Variants in BAALC observed in about 807,000 individuals in gnomAD.
The protein encoded by BAALC is brain and acute leukemia cytoplasmic protein.
A neutral mutation model predicts 15.5 loss-of-function variants in BAALC; 9 were observed. The observed-to-expected ratio is 0.58, with a 90% CI of 0.35 to 1.02. The LOEUF (loss-of-function observed/expected upper bound fraction) is 1.02. Among genes scored for constraint, BAALC ranks in the 50% least tolerant of loss-of-function variants. The pLI is 0.02. For synonymous variants in BAALC, 80 were observed against 74.6 expected, an observed-to-expected ratio of 1.07 and a Z score of -0.37; for missense variants, 201 against 192.4, an observed-to-expected ratio of 1.04 and a Z score of -0.27.
chr8:103,213,115 G>T, intron 2 of BAALC, 30 bp downstream of exon 2: 1 of 1,609,348 alleles, frequency 6.2e-7, no homozygotes, highest in Non-Finnish European at 8.5e-7. Flanking sequence ...ATCAACTGGG[G>T]ACTGGAGAAT....
intron 1 of BAALC, among the ~76,000 whole-genome samples, chr8:103,209,782 T>G (rs1005818782): frequency 2.0e-5 from 3 of 152,242 alleles, no homozygotes; most frequent in African/African-American, 7.2e-5. Context: ...TAAGTTCAAC[T>G]AGACAAGTCT....
chr8:103,188,560 T>C (rs1586414069), intron 1 of BAALC, among the ~76,000 whole-genome samples: 1 of 152,186 alleles, frequency 6.6e-6, no homozygotes, highest in East Asian at 1.9e-4. Context: ...TAAGAAAGGG[T>C]TGATAATTTT....
In BAALC at chr8:103,158,006, C is replaced by T. The variant is rs958938364; in HGVS notation, c.160+16949C>T. On this transcript the variant is annotated intron_variant, in intron 1 of 2. Transcript: ENST00000309982. ...AATGTAATAAAAATTCAGCCAGTGC[C>T]CAAATTTTCCCAATGGTCTCATAAA... Among the ~76,000 whole-genome samples, 6 of 152,008 alleles carry T rather than the reference C, an allele frequency of 3.9e-5. No homozygotes were observed. In the South Asian group the frequency reaches 6.2e-4, roughly 16 times the overall value.
chr8:103,141,633 C>A (rs1464397397), intron 1 of BAALC, among the ~76,000 whole-genome samples: 2 of 152,218 alleles, frequency 1.3e-5, no homozygotes, highest in African/African-American at 4.8e-5. Flanking sequence ...CAGTTTAGGT[C>A]AAAATAAATG....
intron 1 of BAALC, among the ~76,000 whole-genome samples, chr8:103,212,538 A>G (rs1229508603): frequency 6.6e-6 from 1 of 152,248 alleles, no homozygotes; most frequent in African/African-American, 2.4e-5. Context: ...GAAGTAATTT[A>G]AAATAAAACT....
At chr8:103,181,310 T>A (rs912789263) in intron 1 of BAALC, among the ~76,000 whole-genome samples, 7 of 152,268 alleles carry the variant, frequency 4.6e-5, no homozygotes, top group African/African-American at 1.7e-4. Flanking sequence ...TCTCGCTCTG[T>A]CGCCCAGGCT....
At chr8:103,156,925 A>G (rs1811105243) in intron 1 of BAALC, 1 of 152,274 alleles carries the variant, frequency 6.6e-6, no homozygotes, top group East Asian at 1.9e-4. Flanking sequence ...GAAGCTACTA[A>G]AATCGTTAAC....
intron 1 of BAALC, among the ~76,000 whole-genome samples, chr8:103,167,361 A>C (rs187083936): frequency 6.6e-6 from 1 of 152,154 alleles, no homozygotes; most frequent in Non-Finnish European, 1.5e-5. Flanking sequence ...CAGAGACTCA[A>C]TGTTCTTTGC....
intron 1 of BAALC, among the ~76,000 whole-genome samples, chr8:103,212,307 G>C (rs1812464992): frequency 6.6e-6 from 1 of 152,064 alleles, no homozygotes; most frequent in Non-Finnish European, 1.5e-5. Flanking sequence ...AATTAGCTGG[G>C]CATGGTGACA....
At position 103,228,306 on chromosome 8, in the gene BAALC, A is replaced by G; in HGVS notation, c.*207A>G. ...CTACTTATCATGTAAATGTATTGGC[A>G]CAGTGCTTACATATGTTAATAAACT... On this transcript the variant is annotated 3_prime_UTR_variant, in exon 3 of 3. Coordinates refer to ENST00000309982, the MANE Select transcript of BAALC (RefSeq NM_024812.3). The G allele has an allele frequency of 1.9e-6, 1 of 530,260 alleles. No individual in the cohort carries two copies. Among genetic ancestry groups the G allele is most frequent in the Non-Finnish European group, 3.3e-6 (1 of 298,606 alleles). The allele number at this position is 530,260 out of a possible 1,614,324, so 32.8% of individuals were successfully genotyped here.
intron 1 of BAALC, among the ~76,000 whole-genome samples, chr8:103,155,806 T>C (rs992468673): frequency 3.9e-5 from 6 of 152,196 alleles, no homozygotes; most frequent in African/African-American, 1.4e-4. Flanking sequence ...AGTGTCTCCA[T>C]GTTCTCTAGG....
intron 2 of BAALC, among the ~76,000 whole-genome samples, chr8:103,223,948 A>G (rs1212510692): frequency 6.6e-6 from 1 of 152,238 alleles, no homozygotes; most frequent in Non-Finnish European, 1.5e-5. Context: ...TCTGCATTCT[A>G]TTCCATGCCC....
At chr8:103,163,717 T>C (rs1027506039) in intron 1 of BAALC, among the ~76,000 whole-genome samples, 1 of 152,104 alleles carries the variant, frequency 6.6e-6, no homozygotes, top group Non-Finnish European at 1.5e-5. Context: ...ACCACTGCCC[T>C]TCCTGAATGT....
Position 103,230,184 on chromosome 8 carries a change from T to C in BAALC, c.*2085T>C, listed in dbSNP as rs964102044. The C allele has an allele frequency of 2.0e-5, 3 of 148,326 alleles. No homozygotes were observed. Among genetic ancestry groups the C allele is most frequent in the Non-Finnish European group, 4.5e-5 (3 of 67,098 alleles). The allele number at this position is 148,326 out of a possible 1,614,324, so 9.2% of individuals were successfully genotyped here. On this transcript the variant is annotated 3_prime_UTR_variant, in exon 3 of 3. Transcript: ENST00000309982. ...GCAACCAGAAGTTAAACCATGTGACTAAAAATGCATCTGGCTACTTTTTCA... is the reference window on the plus strand; with the variant it reads ...GCAACCAGAAGTTAAACCATGTGACCAAAAATGCATCTGGCTACTTTTTCA...
chr8:103,176,592 C>T (rs920624384), intron 1 of BAALC, among the ~76,000 whole-genome samples: 1 of 152,134 alleles, frequency 6.6e-6, no homozygotes, highest in Non-Finnish European at 1.5e-5. Context: ...TAACCCACCA[C>T]GCTATCTAAT....
intron 1 of BAALC, among the ~76,000 whole-genome samples, chr8:103,197,556 C>T (rs1169203305): frequency 6.6e-6 from 1 of 152,106 alleles, no homozygotes; most frequent in African/African-American, 2.4e-5. Context: ...TTGTATTAGG[C>T]CATTCTTGTG....
At chr8:103,221,479 G>A (rs1287006870) in intron 2 of BAALC, among the ~76,000 whole-genome samples, 1 of 150,856 alleles carries the variant, frequency 6.6e-6, no homozygotes, top group Non-Finnish European at 1.5e-5. Flanking sequence ...TTTTTTTTAA[G>A]CCAGTAATTG....
chr8:103,215,602 C>T (rs1217706069), intron 2 of BAALC, among the ~76,000 whole-genome samples: 2 of 152,094 alleles, frequency 1.3e-5, no homozygotes, highest in Non-Finnish European at 2.9e-5. Flanking sequence ...GAAACCAGGC[C>T]AAGAAAGCAG....
chr8:103,194,169 T>C (rs1334646894), intron 1 of BAALC, among the ~76,000 whole-genome samples: 1 of 152,198 alleles, frequency 6.6e-6, no homozygotes, highest in Non-Finnish European at 1.5e-5. Flanking sequence ...CTCTTCTGCT[T>C]CTCCATCCCT....
Sources: gnomAD v4.1 joint callset for allele counts (sites outside exome capture counted in the v4.1 genomes callset) on GRCh38, gnomAD v4.1.1 for gene constraint, MANE v1.5 for transcripts, NCBI Gene and HGNC (gene_info 2026-07-23, HGNC 2026-07-21) for gene names.